Variants in LMAN2 observed in about 807,000 individuals in gnomAD.
LMAN2 encodes lectin, mannose binding 2, also known as vesicular integral-membrane protein VIP36.
Under a neutral mutation model 39.3 loss-of-function variants are expected in LMAN2, and 22 were observed. That is an observed-to-expected ratio of 0.56 (90% CI 0.40 to 0.80). The LOEUF is 0.80. Among genes scored for constraint, LMAN2 ranks in the 30% least tolerant of loss-of-function variants. The probability of loss-of-function intolerance (pLI) is 0.00; values close to 1 mark genes in which losing one functional copy is unlikely to be tolerated. For missense variants in LMAN2, 494 were observed against 505.4 expected (o/e 0.98, Z 0.22); for synonymous variants, 207 against 207.8 (o/e 1.00, Z 0.03).
intron 6 of LMAN2, among the ~76,000 whole-genome samples, chr5:177,335,930 C>T (rs1468734318): frequency 6.6e-6 from 1 of 152,150 alleles, no homozygotes; most frequent in African/African-American, 2.4e-5. Context: ...GAACCACAGC[C>T]AAGGGCCACC....
At chr5:177,343,543 G>A (rs1229316064) in intron 2 of LMAN2, among the ~76,000 whole-genome samples, 1 of 56,564 alleles carries the variant, frequency 1.8e-5, no homozygotes, top group East Asian at 2.3e-4. Flanking sequence ...ACGAATAGAT[G>A]AATACACGGA....
In LMAN2 at chr5:177,351,158, T is replaced by C; in HGVS notation, c.315+15A>G. The C allele has an allele frequency of 2.5e-6, 4 of 1,612,764 alleles. No individual in the cohort carries two copies. Among genetic ancestry groups the C allele is most frequent in the Non-Finnish European group, 3.4e-6 (4 of 1,178,756 alleles). On this transcript the variant is annotated intron_variant, in intron 2 of 7. Coordinates refer to ENST00000303127, the MANE Select transcript of LMAN2 (RefSeq NM_006816.3). ...CCAACCGCACAGTACGCCTATCCTC[T>C]TGAGAACCACTCACCTGGTGGTTCC...
At chr5:177,345,772 T>TATTTA (rs1397993671) in intron 2 of LMAN2, among the ~76,000 whole-genome samples, 1 of 151,036 alleles carries the variant, frequency 6.6e-6, no homozygotes. Context: ...TTTATTTATT[T>TATTTA]ATTTATTTAT....
In LMAN2 at chr5:177,332,685, G is replaced by A. The variant is rs1761407775; in HGVS notation, c.911-439C>T. ...AGCCCACAGCTGGATGCTCTCGGCA[G>A]CCCCCCAGGAGGGTCTCCCAGGACC... is the stretch of plus-strand genomic sequence containing the variant. On this transcript the variant is annotated intron_variant, in intron 7 of 7. Transcript: ENST00000303127. The surrounding 1 kb of genome is among the most constrained non-coding windows in gnomAD (Gnocchi z 6.3). Among the ~76,000 whole-genome samples the A allele has an allele frequency of 1.3e-5, 2 of 152,022 alleles. No homozygotes were observed. Among genetic ancestry groups the A allele is most frequent in the African/African-American group, 4.8e-5 (2 of 41,392 alleles).
chr5:177,334,160 G>A (rs1030183658), intron 7 of LMAN2, 124 bp downstream of exon 7: 3 of 1,462,222 alleles, frequency 2.1e-6, no homozygotes, highest in Non-Finnish European at 2.7e-6. Context: ...GGACCGGGCT[G>A]ATCCAAGAGC....
chr5:177,337,622 G>T lies in LMAN2; in HGVS notation c.513+84C>A. On this transcript the variant is annotated intron_variant, in intron 4 of 7. Coordinates refer to ENST00000303127, the MANE Select transcript of LMAN2 (RefSeq NM_006816.3). This position sits in a 1 kb window ranked among gnomAD's most constrained non-coding sequence, Gnocchi z 8.2. ...TCCCTGGAGGCTCCTCTTGTGCTGG[G>T]ACCATGGAAGTCCCAGGGCCCCCTC... is the stretch of plus-strand genomic sequence containing the variant. 6.2e-7 allele frequency: 1 copy of T among 1,604,906 alleles called. No homozygotes were observed. The highest frequency in any genetic ancestry group is 8.5e-7 in the Non-Finnish European group (1 of 1,174,650).
intron 6 of LMAN2, among the ~76,000 whole-genome samples, chr5:177,336,409 A>T (rs1422104329): frequency 6.6e-6 from 1 of 152,168 alleles, no homozygotes; most frequent in African/African-American, 2.4e-5. Context: ...GCTGAAGGCG[A>T]TTACTGAAGG....
rs376977674 is a variant in LMAN2 at position 177,334,261 on chromosome 5, A to G, written c.910+23T>C. On this transcript the variant is annotated intron_variant, in intron 7 of 7. Transcript: ENST00000303127. ...TGGGTCAGGCCGCCCAGGCCCAGGCAGGGCGGGGCTGTGCACACGCACCTT... is the reference window on the plus strand; with the variant it reads ...TGGGTCAGGCCGCCCAGGCCCAGGCGGGGCGGGGCTGTGCACACGCACCTT... 3 of 1,600,820 alleles carry G rather than the reference A, an allele frequency of 1.9e-6. No homozygotes were observed. In the African/African-American group the frequency reaches 4.0e-5, roughly 21 times the overall value.
intron 2 of LMAN2, among the ~76,000 whole-genome samples, chr5:177,349,804 G>T (rs1761694530): frequency 6.6e-6 from 1 of 152,228 alleles, no homozygotes; most frequent in South Asian, 2.1e-4. Context: ...GAATGTGACA[G>T]AATGTGACTC....
intron 2 of LMAN2, among the ~76,000 whole-genome samples, chr5:177,344,429 C>T (rs749935649): frequency 2.6e-4 from 39 of 150,770 alleles, no homozygotes; most frequent in Non-Finnish European, 3.8e-4. Context: ...TACAGGAACA[C>T]GCCACCATGA....
chr5:177,334,978 G>A (rs1394140179), intron 6 of LMAN2, among the ~76,000 whole-genome samples: 1 of 152,200 alleles, frequency 6.6e-6, no homozygotes, highest in African/African-American at 2.4e-5. Context: ...GAGGAGACTG[G>A]GGAAAGGCTC....
intron 2 of LMAN2, among the ~76,000 whole-genome samples, chr5:177,341,844 T>C (rs1439690825): frequency 1.3e-5 from 2 of 152,222 alleles, no homozygotes; most frequent in African/African-American, 4.8e-5. Context: ...ATCCTTGCAC[T>C]GTCCAGGAAG....
chr5:177,337,714 T>C lies in LMAN2; in HGVS notation c.505A>G (p.Thr169Ala). The change falls in exon 4 of 8, where the codon ACC (threonine) becomes GCC (alanine). Residue 169 changes from threonine to alanine, a missense_variant. Physicochemically the swap from Thr to Ala is moderately conservative, Grantham distance 58 (BLOSUM62 0). Transcript: ENST00000303127. This position sits in a 1 kb window ranked among gnomAD's most constrained non-coding sequence, Gnocchi z 8.2. ...ATAGAGCAGGGGCCTACCTCAGTGGTCTCATCATTGGGGTAGGTGTCCAGG... is the reference window on the plus strand; with the variant it reads ...ATAGAGCAGGGGCCTACCTCAGTGGCCTCATCATTGGGGTAGGTGTCCAGG... ...IFLDTYPNDETTERVFPYISV... is the reference protein window; with the variant it reads ...IFLDTYPNDEATERVFPYISV... 6.2e-7 allele frequency: 1 copy of C among 1,613,704 alleles called. No individual in the cohort carries two copies. The highest frequency in any genetic ancestry group is 8.5e-7 in the Non-Finnish European group (1 of 1,179,898).
chr5:177,338,958 C>T (rs1761514290), intron 2 of LMAN2, among the ~76,000 whole-genome samples: 1 of 152,284 alleles, frequency 6.6e-6, no homozygotes, highest in Non-Finnish European at 1.5e-5. Context: ...TCTCCATCCA[C>T]TGCTCTTGCC....
intron 2 of LMAN2, among the ~76,000 whole-genome samples, chr5:177,350,085 G>A: frequency 6.6e-6 from 1 of 152,232 alleles, no homozygotes; most frequent in East Asian, 1.9e-4. Flanking sequence ...ACGCTCTGAG[G>A]ATCAGACTGA....
chr5:177,351,595 C>T lies in LMAN2; in HGVS notation c.53G>A (p.Gly18Glu), dbSNP rs1440560781. The T allele has an allele frequency of 6.2e-7, 1 of 1,611,174 alleles. No homozygotes were observed. Reference protein sequence around the residue: ...WRWGWGRRCLGRPGLLGPGPG... With the variant: ...WRWGWGRRCLERPGLLGPGPG... ...GCCGGGGCCGAGAAGCCCAGGCCTT[C>T]CCAGGCACCGCCGGCCCCAGCCCCA... Residue 18 changes from glycine (G) to glutamate (E), a missense_variant, in exon 1 of 8, where the codon GGA becomes GAA. By Grantham distance (98) the Gly-to-Glu change is moderately conservative. Transcript: ENST00000303127.
At position 177,332,988 on chromosome 5, in the gene LMAN2, C is replaced by A. The variant is rs919697782; in HGVS notation, c.911-742G>T. Among the ~76,000 whole-genome samples the A allele has an allele frequency of 2.0e-5, 3 of 152,220 alleles. No homozygotes were observed. The highest frequency in any genetic ancestry group is 4.4e-5 in the Non-Finnish European group (3 of 68,044). Reference sequence around the variant, plus strand: ...CACACCCAGGCCTCGGGCCCAGGCCCTGCCTTTCAGCGACGTGCATGCCAC... The same window carrying A: ...CACACCCAGGCCTCGGGCCCAGGCCATGCCTTTCAGCGACGTGCATGCCAC... On this transcript the variant is annotated intron_variant, in intron 7 of 7. Coordinates refer to ENST00000303127, the MANE Select transcript of LMAN2 (RefSeq NM_006816.3). The surrounding 1 kb of genome is among the most constrained non-coding windows in gnomAD (Gnocchi z 6.3).
chr5:177,351,277 A>G lies in LMAN2; in HGVS notation c.211T>C (p.Ser71Pro), dbSNP rs1303405906. The G allele has an allele frequency of 2.5e-6, 4 of 1,614,012 alleles. No homozygotes were observed. The highest frequency in any genetic ancestry group is 3.4e-6 in the Non-Finnish European group (4 of 1,180,034). Residue 71 changes from serine to proline, a missense_variant, in exon 2 of 8, where the codon TCT becomes CCT. Physicochemically the swap from Ser to Pro is moderately conservative, Grantham distance 74 (BLOSUM62 -1). Coordinates refer to ENST00000303127, the MANE Select transcript of LMAN2 (RefSeq NM_006816.3). ...CCCTGGAAGTCCCAGAGGGGCATAGAGCTGGAACCGACCCCTGTGGGAAGA... is the reference window on the plus strand; with the variant it reads ...CCCTGGAAGTCCCAGAGGGGCATAGGGCTGGAACCGACCCCTGTGGGAAGA... ...IKPYQGVGSS[S>P]MPLWDFQGST...
At position 177,337,576 on chromosome 5, in the gene LMAN2, C is replaced by G. The variant is rs753510619; in HGVS notation, c.514-52G>C. The stretch of plus-strand genomic sequence containing the variant: ...CAAGCAGCCCAGCCTGTGGGGCGAG[C>G]AGGGGCACCCACCACCCCAATCCCT... On this transcript the variant is annotated intron_variant, in intron 4 of 7. Transcript: ENST00000303127. This position sits in a 1 kb window ranked among gnomAD's most constrained non-coding sequence, Gnocchi z 8.2. 4 of 1,608,158 alleles carry G rather than the reference C, an allele frequency of 2.5e-6. No individual in the cohort carries two copies. The highest frequency in any genetic ancestry group is 2.6e-6 in the Non-Finnish European group (3 of 1,175,834).
Sources: allele counts gnomAD v4.1 joint callset (sites outside exome capture counted in the v4.1 genomes callset), GRCh38; gene constraint gnomAD v4.1.1; non-coding constraint Gnocchi (gnomAD v3.1); transcripts MANE v1.5; gene names NCBI Gene and HGNC (gene_info 2026-07-23, HGNC 2026-07-21).